The following OSBPL10 variants were observed in gnomAD, a reference collection of about 807,000 sequenced individuals.
OSBPL10 encodes the protein oxysterol binding protein like 10.
A neutral mutation model predicts 81.7 loss-of-function variants in OSBPL10; 49 were observed. That is an observed-to-expected ratio of 0.60 (90% CI 0.48 to 0.76). The LOEUF is 0.76. Among genes scored for constraint, OSBPL10 ranks in the 30% least tolerant of loss-of-function variants. OSBPL10 has a pLI of 0.00. For synonymous variants in OSBPL10, 419 were observed against 383.6 expected (o/e 1.09, Z -1.08); for missense variants, 923 against 987.8 (o/e 0.93, Z 0.88).
intron 4 of OSBPL10, among the ~76,000 whole-genome samples, chr3:31,800,966 C>T (rs952782429): frequency 1.3e-5 from 2 of 151,286 alleles, no homozygotes; most frequent in Admixed American, 1.3e-4. Flanking sequence ...TAATCCTTTA[C>T]GATCCCCTTG....
intron 1 of OSBPL10, among the ~76,000 whole-genome samples, chr3:31,947,938 T>C (rs1575054058): frequency 6.6e-6 from 1 of 151,408 alleles, no homozygotes; most frequent in Non-Finnish European, 1.5e-5. Context: ...CTGTACAAAG[T>C]TTGTGCTGCC....
chr3:31,668,982 C>A (rs1440998433), intron 9 of OSBPL10, among the ~76,000 whole-genome samples, 158 bp from the exon 10 acceptor site: 1 of 151,928 alleles, frequency 6.6e-6, no homozygotes, highest in East Asian at 1.9e-4. Context: ...AAAAGATGAT[C>A]TAATATCCTT....
In OSBPL10 at chr3:31,664,024, C is replaced by CT. The variant is rs775607647; in HGVS notation, c.2250+54dup. The CT allele has an allele frequency of 1.0e-4, 167 of 1,613,978 alleles. 1 individual carries two copies. Among genetic ancestry groups the CT allele is most frequent in the South Asian group, 2.4e-4 (22 of 91,072 alleles). ...GCTCAGCAAGAAAAACCCATCTACC[C>CT]TCTCAGGACAAGTTCTCTCCTGGGC... On this transcript the variant is annotated intron_variant, in intron 11 of 11. Transcript: ENST00000396556.
At chr3:31,891,302 G>A (rs1003544517) in intron 1 of OSBPL10, among the ~76,000 whole-genome samples, 4 of 152,158 alleles carry the variant, frequency 2.6e-5, no homozygotes, top group Non-Finnish European at 5.9e-5. Context: ...CAGAGCTTAT[G>A]ATTCAGGAGG....
intron 8 of OSBPL10, among the ~76,000 whole-genome samples, chr3:31,675,581 G>A (rs1478523985): frequency 1.3e-5 from 2 of 152,158 alleles, no homozygotes; most frequent in Non-Finnish European, 2.9e-5. Context: ...AATCCTGAAG[G>A]TTTTATGTCT....
At chr3:32,006,199 G>T (rs1333534520) in intron 2 of OSBPL10, among the ~76,000 whole-genome samples, 1 of 152,180 alleles carries the variant, frequency 6.6e-6, no homozygotes, top group African/African-American at 2.4e-5. Context: ...CTCTGCCTCG[G>T]CCTCTCAAAG....
intron 7 of OSBPL10, among the ~76,000 whole-genome samples, chr3:31,686,763 C>T (rs1559415920): frequency 1.3e-5 from 2 of 152,154 alleles, no homozygotes; most frequent in South Asian, 2.1e-4. Flanking sequence ...TCAGATGCCA[C>T]CTCTATTACT....
chr3:31,774,020 G>A (rs968812177), intron 4 of OSBPL10, among the ~76,000 whole-genome samples: 1 of 152,032 alleles, frequency 6.6e-6, no homozygotes, highest in East Asian at 1.9e-4. Context: ...AGATTAGCCG[G>A]GCGTGGTGGC....
chr3:31,868,789 T>A (rs1008483764), intron 3 of OSBPL10, among the ~76,000 whole-genome samples: 2 of 152,248 alleles, frequency 1.3e-5, no homozygotes, highest in African/African-American at 4.8e-5. Flanking sequence ...TGACTTTTGT[T>A]CTTTTTACCC....
chr3:31,746,475 TCAAGAC>T (rs1332915517), intron 5 of OSBPL10, among the ~76,000 whole-genome samples: 1 of 151,772 alleles, frequency 6.6e-6, no homozygotes, highest in African/African-American at 2.4e-5. Flanking sequence ...GGTTGGGAGT[TCAAGAC>T]CAGCCTGAAC....
rs761671334 is a variant in OSBPL10, at chr3:31,956,569, C to CA, written c.281+24329dup. Reference sequence around the variant, plus strand: ...CCCTGTCTCTACTAAAAATACAAAACAAAAAAAAATTAGCTGGGCTTGGTG... The same window carrying CA: ...CCCTGTCTCTACTAAAAATACAAAACAAAAAAAAAATTAGCTGGGCTTGGTG... On this transcript the variant is annotated intron_variant, in intron 1 of 11. Coordinates refer to ENST00000396556, the MANE Select transcript of OSBPL10 (RefSeq NM_017784.5). Among the ~76,000 whole-genome samples, 190 of 150,712 alleles carry CA rather than the reference C, an allele frequency of 1.3e-3. 1 individual carries two copies. Among genetic ancestry groups the CA allele is most frequent in the African/African-American group, 1.6e-3 (65 of 41,114 alleles).
intron 4 of OSBPL10, among the ~76,000 whole-genome samples, chr3:31,789,113 C>G (rs966955169): frequency 2.0e-5 from 3 of 152,036 alleles, no homozygotes; most frequent in Non-Finnish European, 4.4e-5. Context: ...TAAGTCACAG[C>G]GATTACAGGC....
At chr3:31,866,627 G>C (rs1032867152) in intron 3 of OSBPL10, among the ~76,000 whole-genome samples, 1 of 152,108 alleles carries the variant, frequency 6.6e-6, no homozygotes, top group South Asian at 2.1e-4. Context: ...AGGCGGGGGA[G>C]GAGAGTTAGG....
chr3:31,815,685 T>C (rs1040743275), intron 4 of OSBPL10, among the ~76,000 whole-genome samples: 10 of 152,070 alleles, frequency 6.6e-5, no homozygotes. Context: ...CTGTTGTAGC[T>C]TGAAATACTA....
intron 3 of OSBPL10, among the ~76,000 whole-genome samples, chr3:31,866,534 C>T (rs892727563): frequency 6.6e-5 from 10 of 152,310 alleles, no homozygotes; most frequent in African/African-American, 2.4e-4. Context: ...CATTTCTCTA[C>T]GGCCTCCTTT....
At chr3:31,920,857 C>G (rs1040039504) in intron 1 of OSBPL10, among the ~76,000 whole-genome samples, 1 of 152,178 alleles carries the variant, frequency 6.6e-6, no homozygotes, top group Non-Finnish European at 1.5e-5. Context: ...ATGTGATCCA[C>G]TAGCTCCCCC....
At chr3:31,765,675 G>A (rs917079909) in intron 4 of OSBPL10, among the ~76,000 whole-genome samples, 2 of 152,140 alleles carry the variant, frequency 1.3e-5, no homozygotes, top group Non-Finnish European at 2.9e-5. Flanking sequence ...GACAGCCAGT[G>A]GGACTTTAAA....
chr3:31,891,496 T>C (rs1488526480), intron 1 of OSBPL10, among the ~76,000 whole-genome samples: 1 of 152,246 alleles, frequency 6.6e-6, no homozygotes, highest in African/African-American at 2.4e-5. Flanking sequence ...GCTCTTGCAG[T>C]CCATCCCACC....
chr3:32,069,521 T>C (rs1699809770), intron 1 of OSBPL10, among the ~76,000 whole-genome samples: 1 of 152,202 alleles, frequency 6.6e-6, no homozygotes, highest in South Asian at 2.1e-4. Context: ...GCCCAGTTCA[T>C]GGCCCGCTTA....
Sources: allele counts gnomAD v4.1 joint callset (sites outside exome capture counted in the v4.1 genomes callset), GRCh38; gene constraint gnomAD v4.1.1; transcripts MANE v1.5; gene names NCBI Gene and HGNC (gene_info 2026-07-23, HGNC 2026-07-21).